TBC1D5: variants seen among roughly 807,000 people sequenced by gnomAD.
The protein encoded by TBC1D5 is TBC1 domain family, member 5.
TBC1D5 carries 75 observed loss-of-function variants against 100.3 expected under a neutral mutation model. That is an observed-to-expected ratio of 0.75 (90% CI 0.62 to 0.91). TBC1D5 has a LOEUF of 0.91. Among genes scored for constraint, TBC1D5 ranks in the 40% least tolerant of loss-of-function variants. The pLI, the probability that TBC1D5 is intolerant of heterozygous loss-of-function variation, is 0.00. For missense variants in TBC1D5, 910 were observed against 942.4 expected (o/e 0.97, Z 0.45); for synonymous variants, 323 against 325.6 (o/e 0.99, Z 0.09).
intron 1 of TBC1D5, among the ~76,000 whole-genome samples, chr3:17,717,769 T>A (rs943900170): frequency 3.3e-5 from 5 of 152,214 alleles, no homozygotes; most frequent in African/African-American, 1.2e-4. Context: ...TCAAAACATG[T>A]ACCACTCTAA....
At chr3:17,166,719 A>C (rs778720326) in intron 21 of TBC1D5, 48 bp downstream of exon 22, 57 of 1,568,188 alleles carry the variant, frequency 3.6e-5, no homozygotes, top group Non-Finnish European at 4.8e-5. Context: ...ACTTATGTGA[A>C]TGTGCTCCCT....
chr3:17,683,145 C>T (rs1046858540), intron 1 of TBC1D5, among the ~76,000 whole-genome samples: 10 of 151,502 alleles, frequency 6.6e-5, no homozygotes, highest in Admixed American at 3.3e-4. Context: ...TTTTTATGCA[C>T]ATGTTAAAAT....
At chr3:17,731,265 G>A (rs1046742888) in intron 1 of TBC1D5, among the ~76,000 whole-genome samples, 1 of 152,068 alleles carries the variant, frequency 6.6e-6, no homozygotes, top group East Asian at 1.9e-4. Context: ...CACTTTGGGA[G>A]GCCGAGGCGG....
chr3:17,507,943 C>T (rs1050045108), intron 3 of TBC1D5, among the ~76,000 whole-genome samples: 2 of 151,518 alleles, frequency 1.3e-5, no homozygotes, highest in African/African-American at 2.4e-5. Flanking sequence ...ATACGGTCTA[C>T]ATTTTAACTG....
At chr3:17,338,084 G>A (rs999136759) in intron 13 of TBC1D5, among the ~76,000 whole-genome samples, 3 of 152,128 alleles carry the variant, frequency 2.0e-5, no homozygotes, top group Non-Finnish European at 4.4e-5. Context: ...AAAACAAACT[G>A]AATAACACGG....
intron 13 of TBC1D5, among the ~76,000 whole-genome samples, chr3:17,341,531 T>C (rs1559672574): frequency 6.6e-6 from 1 of 152,114 alleles, no homozygotes; most frequent in Non-Finnish European, 1.5e-5. Context: ...TTCCCTCATC[T>C]TGTAGATGAG....
chr3:17,194,360 G>A (rs2070368258), intron 18 of TBC1D5, among the ~76,000 whole-genome samples: 1 of 152,146 alleles, frequency 6.6e-6, no homozygotes, highest in Non-Finnish European at 1.5e-5. Flanking sequence ...AGAGAAGCAG[G>A]GTGACAAGCT....
Position 17,236,489 on chromosome 3 carries a change from AT to A in TBC1D5, c.1588+1673del, listed in dbSNP as rs754298173. Among the ~76,000 whole-genome samples, 1,012 of 144,212 alleles carry A rather than the reference AT, an allele frequency of 7.0e-3. 4 individuals carry two copies. The highest frequency in any genetic ancestry group is 0.016 in the African/African-American group (613 of 39,496). 94.6% of individuals were successfully genotyped at this position (144,212 alleles called of 152,430 possible). ...AGAAAATAATGTAATTTTCAACGAG[AT>A]TTTTTTTTTTTTTTGAGATGGAGTC... On this transcript the variant is annotated intron_variant, in intron 17 of 21. Coordinates refer to ENST00000253692, the Ensembl canonical transcript of TBC1D5.
intron 2 of TBC1D5, among the ~76,000 whole-genome samples, chr3:17,562,701 A>T (rs781344299): frequency 6.6e-6 from 1 of 152,208 alleles, no homozygotes; most frequent in Admixed American, 6.5e-5. Context: ...ATATAAAAAA[A>T]TGTGTGACTT....
intron 1 of TBC1D5, among the ~76,000 whole-genome samples, chr3:17,714,980 G>A (rs2153948077): frequency 6.6e-6 from 1 of 152,252 alleles, no homozygotes. Flanking sequence ...AGACACACTA[G>A]ACTTAAATGT....
At chr3:17,593,285 C>T (rs2060350017) in intron 2 of TBC1D5, among the ~76,000 whole-genome samples, 1 of 152,122 alleles carries the variant, frequency 6.6e-6, no homozygotes, top group Non-Finnish European at 1.5e-5. Context: ...TCCCCAGCTG[C>T]CCCTGTCATC....
chr3:17,662,638 T>C (rs982011363), intron 1 of TBC1D5, among the ~76,000 whole-genome samples: 5 of 152,218 alleles, frequency 3.3e-5, no homozygotes, highest in African/African-American at 1.2e-4. Flanking sequence ...TGCCTTTAGA[T>C]AGAACCCAAG....
intron 3 of TBC1D5, among the ~76,000 whole-genome samples, chr3:17,462,322 A>ATTTTTTT (rs527597868): frequency 1.5e-5 from 2 of 132,662 alleles, no homozygotes; most frequent in African/African-American, 5.7e-5. Flanking sequence ...TCGGACCTTA[A>ATTTTTTT]TTTTTTTTTT....
chr3:17,255,429 T>C (rs2077553972), intron 16 of TBC1D5, among the ~76,000 whole-genome samples: 1 of 152,100 alleles, frequency 6.6e-6, no homozygotes. Context: ...CTCGATCTCC[T>C]GACTTCGTGA....
intron 15 of TBC1D5, among the ~76,000 whole-genome samples, chr3:17,267,469 C>A (rs2078971275): frequency 6.6e-6 from 1 of 151,782 alleles, no homozygotes; most frequent in South Asian, 2.1e-4. Context: ...GGTTCCCAAT[C>A]TTTGTTAAAG....
At chr3:17,507,608 T>C (rs2095857466) in intron 3 of TBC1D5, among the ~76,000 whole-genome samples, 1 of 152,142 alleles carries the variant, frequency 6.6e-6, no homozygotes, top group Non-Finnish European at 1.5e-5. Flanking sequence ...TTGAAGAAAA[T>C]AACACACATG....
intron 2 of TBC1D5, among the ~76,000 whole-genome samples, chr3:17,595,772 G>A (rs2060523078): frequency 6.6e-6 from 1 of 152,166 alleles, no homozygotes; most frequent in African/African-American, 2.4e-5. Context: ...AAGTAGGACG[G>A]CATGTGTAGT....
At chr3:17,370,513 A>T (rs1050824325) in intron 13 of TBC1D5, among the ~76,000 whole-genome samples, 6 of 152,200 alleles carry the variant, frequency 3.9e-5, no homozygotes, top group Non-Finnish European at 8.8e-5. Flanking sequence ...AATAACCTGC[A>T]TTGCTGCCCA....
At chr3:17,306,393 A>G (rs1417103216) in intron 14 of TBC1D5, among the ~76,000 whole-genome samples, 1 of 152,244 alleles carries the variant, frequency 6.6e-6, no homozygotes, top group Non-Finnish European at 1.5e-5. Context: ...TATTTTTAGG[A>G]GATCTCATCC....
Sources: allele counts gnomAD v4.1 joint callset (sites outside exome capture counted in the v4.1 genomes callset), GRCh38; gene constraint gnomAD v4.1.1; transcripts MANE v1.5; gene names NCBI Gene and HGNC (gene_info 2026-07-23, HGNC 2026-07-21).